PCDH9: variants seen among roughly 807,000 people sequenced by gnomAD.
The protein encoded by PCDH9 is protocadherin 9.
Under a neutral mutation model 70.6 loss-of-function variants are expected in PCDH9, and 24 were observed. The observed-to-expected ratio is 0.34, with a 90% CI of 0.25 to 0.48. PCDH9 has a LOEUF of 0.48. PCDH9 is among the 20% of genes least tolerant of loss of function. The pLI is 0.99. For synonymous variants in PCDH9, 562 were observed against 558.5 expected (o/e 1.01, Z -0.09); for missense variants, 1,281 against 1,503.6 (o/e 0.85, Z 2.45).
chr13:66,945,616 A>ATT (rs1410982328), intron 2 of PCDH9, among the ~76,000 whole-genome samples: 17 of 151,942 alleles, frequency 1.1e-4, no homozygotes, highest in African/African-American at 4.1e-4. Context: ...CTTGAAACAT[A>ATT]TTTTTTCTCT....
Position 66,559,864 on chromosome 13 carries a change from G to A in PCDH9, c.3340+71346C>T, listed in dbSNP as rs1395026205. On this transcript the variant is annotated intron_variant, in intron 4 of 4. Coordinates refer to ENST00000377865, the MANE Select transcript of PCDH9 (RefSeq NM_203487.3). ...CACACACACACACACACACACACAC[G>A]GATCAGGATTCAAATGTACTAACGT... Among the ~76,000 whole-genome samples the A allele has an allele frequency of 4.5e-5, 5 of 110,792 alleles. No homozygotes were observed. The East Asian group carries it at 1.2e-3, about 26-fold the overall frequency. 72.7% of individuals were successfully genotyped at this position (110,792 alleles called of 152,430 possible). A position where few individuals can be genotyped will look rare whatever the true frequency, so the allele number is the denominator to read the frequency against.
intron 3 of PCDH9, among the ~76,000 whole-genome samples, chr13:66,700,561 T>A (rs753326088): frequency 6.6e-6 from 1 of 152,064 alleles, no homozygotes; most frequent in Non-Finnish European, 1.5e-5. Flanking sequence ...CTGTGAGTAA[T>A]TACAATTCAG....
intron 4 of PCDH9, among the ~76,000 whole-genome samples, chr13:66,401,633 A>T (rs1028245937): frequency 3.3e-5 from 5 of 152,146 alleles, no homozygotes; most frequent in African/African-American, 1.2e-4. Flanking sequence ...ACTAACCGAG[A>T]TCCCTTCAGA....
intron 3 of PCDH9, among the ~76,000 whole-genome samples, chr13:66,640,656 A>G (rs1213493029): frequency 6.6e-6 from 1 of 152,166 alleles, no homozygotes; most frequent in Non-Finnish European, 1.5e-5. Flanking sequence ...CAAGCCTTTA[A>G]AGGACAGATA....
chr13:66,604,466 A>C (rs1430168945), intron 4 of PCDH9, among the ~76,000 whole-genome samples: 1 of 152,076 alleles, frequency 6.6e-6, no homozygotes, highest in African/African-American at 2.4e-5. Flanking sequence ...TGTTACATAA[A>C]TGTATAATTA....
intron 4 of PCDH9, among the ~76,000 whole-genome samples, chr13:66,358,526 A>G (rs1362622743): frequency 1.3e-5 from 2 of 152,036 alleles, no homozygotes; most frequent in Non-Finnish European, 2.9e-5. Context: ...ATACTGGATA[A>G]TTACAAATTT....
intron 4 of PCDH9, among the ~76,000 whole-genome samples, chr13:66,378,434 T>A (rs983670252): frequency 6.6e-6 from 1 of 152,176 alleles, no homozygotes; most frequent in Non-Finnish European, 1.5e-5. Flanking sequence ...TCTCTCTGTG[T>A]GTGTATGTGT....
At chr13:66,325,162 CTT>C (rs1174541489) in intron 4 of PCDH9, among the ~76,000 whole-genome samples, 1 of 151,966 alleles carries the variant, frequency 6.6e-6, no homozygotes, top group African/African-American at 2.4e-5. Flanking sequence ...GTAATACAAA[CTT>C]GATGTGTATT....
At chr13:66,357,830 G>A (rs990089065) in intron 4 of PCDH9, among the ~76,000 whole-genome samples, 2 of 152,030 alleles carry the variant, frequency 1.3e-5, no homozygotes, top group African/African-American at 4.8e-5. Flanking sequence ...CTTCAGCATG[G>A]AACGCAGAGC....
chr13:66,605,016 T>C (rs762227561), intron 4 of PCDH9, among the ~76,000 whole-genome samples: 1 of 152,108 alleles, frequency 6.6e-6, no homozygotes. Flanking sequence ...ATCAGAATCA[T>C]TGAGAAACTC....
chr13:66,913,898 T>C (rs1390416151), intron 2 of PCDH9, among the ~76,000 whole-genome samples: 1 of 152,046 alleles, frequency 6.6e-6, no homozygotes, highest in African/African-American at 2.4e-5. Flanking sequence ...CCACATGTTT[T>C]TTTAATTCAC....
At chr13:66,826,429 G>C (rs1489743352) in intron 3 of PCDH9, among the ~76,000 whole-genome samples, 3 of 152,170 alleles carry the variant, frequency 2.0e-5, no homozygotes, top group Non-Finnish European at 4.4e-5. Context: ...TTTGAGGTCA[G>C]ACATATCTGA....
chr13:67,103,419 T>TG, intron 2 of PCDH9, among the ~76,000 whole-genome samples: 1 of 152,162 alleles, frequency 6.6e-6, no homozygotes. Context: ...AATATTTGTT[T>TG]ACACGTAACA....
chr13:66,840,147 T>A (rs545783041), intron 3 of PCDH9, among the ~76,000 whole-genome samples: 18 of 152,150 alleles, frequency 1.2e-4, no homozygotes, highest in Admixed American at 8.5e-4. Context: ...AATATACCCA[T>A]ACAAAAGTCT....
chr13:67,101,396 T>C (rs1169341329), intron 2 of PCDH9, among the ~76,000 whole-genome samples: 1 of 152,216 alleles, frequency 6.6e-6, no homozygotes, highest in Non-Finnish European at 1.5e-5. Context: ...TCTCCTGAGA[T>C]CCAATGTAAT....
At chr13:66,630,486 G>T (rs1016897532) in intron 4 of PCDH9, among the ~76,000 whole-genome samples, 4 of 152,084 alleles carry the variant, frequency 2.6e-5, no homozygotes, top group Non-Finnish European at 5.9e-5. Flanking sequence ...TTCCTCCAAA[G>T]GCCAAGGAAA....
In PCDH9 at chr13:66,803,063, C is replaced by T. The variant is rs1170362763; in HGVS notation, c.3138+100441G>A. 3.9e-5 allele frequency among the ~76,000 whole-genome samples: 6 copies of T among 152,072 alleles called. No homozygotes were observed. The East Asian group carries it at 1.2e-3, about 30-fold the overall frequency. On this transcript the variant is annotated intron_variant, in intron 3 of 4. Coordinates refer to ENST00000377865, the MANE Select transcript of PCDH9 (RefSeq NM_203487.3). ...TATGTCGGTTTACAAATAGAATCAA[C>T]TCTGACTACACACAGTGTCAAGGTT...
chr13:67,021,980 G>A (rs1460114113), intron 2 of PCDH9, among the ~76,000 whole-genome samples: 3 of 151,884 alleles, frequency 2.0e-5, no homozygotes, highest in Admixed American at 6.6e-5. Context: ...TATTCACCAA[G>A]TGGAAAATTA....
At chr13:67,098,502 G>T (rs982028911) in intron 2 of PCDH9, among the ~76,000 whole-genome samples, 1 of 152,118 alleles carries the variant, frequency 6.6e-6, no homozygotes, top group Non-Finnish European at 1.5e-5. Context: ...GTACAATAAT[G>T]TAGTTTATTG....
Sources: gnomAD v4.1 joint callset for allele counts (sites outside exome capture counted in the v4.1 genomes callset) on GRCh38, gnomAD v4.1.1 for gene constraint, MANE v1.5 for transcripts, NCBI Gene and HGNC (gene_info 2026-07-23, HGNC 2026-07-21) for gene names.